The following DCDC2 variants were observed in gnomAD, a reference collection of about 807,000 sequenced individuals.
DCDC2 encodes the protein doublecortin domain containing 2.
A neutral mutation model predicts 50.2 loss-of-function variants in DCDC2; 40 were observed. The ratio of observed to expected loss-of-function variants is 0.80; its 90% confidence interval spans 0.62 to 1.04. The LOEUF (loss-of-function observed/expected upper bound fraction) is 1.04. Ranked by LOEUF, DCDC2 falls within the 50% of genes least tolerant of loss-of-function variation. DCDC2 has a pLI of 0.00. For synonymous variants in DCDC2, 234 were observed against 210.6 expected (o/e 1.11, Z -0.96); for missense variants, 570 against 581.9 (o/e 0.98, Z 0.21).
At chr6:24,289,873 G>A (rs1248295152) in intron 5 of DCDC2, among the ~76,000 whole-genome samples, 1 of 149,792 alleles carries the variant, frequency 6.7e-6, no homozygotes, top group African/African-American at 2.4e-5. Context: ...TTTTTGCAAT[G>A]GCAAGGTGGC....
At chr6:24,176,519 T>A (rs10946682) in intron 9 of DCDC2, among the ~76,000 whole-genome samples, 1 of 152,032 alleles carries the variant, frequency 6.6e-6, no homozygotes, top group Non-Finnish European at 1.5e-5. Context: ...AAAAATTGTA[T>A]GTTTATAGCA....
At chr6:24,262,749 A>G (rs1386199494) in intron 7 of DCDC2, among the ~76,000 whole-genome samples, 1 of 152,164 alleles carries the variant, frequency 6.6e-6, no homozygotes, top group East Asian at 1.9e-4. Flanking sequence ...TTCCAGACAC[A>G]CCCAGGGCCA....
chr6:24,208,728 A>G (rs1761783018), intron 7 of DCDC2, among the ~76,000 whole-genome samples: 1 of 152,114 alleles, frequency 6.6e-6, no homozygotes, highest in Non-Finnish European at 1.5e-5. Context: ...ACTTACTTTA[A>G]TCAATTTCTT....
intron 7 of DCDC2, among the ~76,000 whole-genome samples, chr6:24,228,877 T>C (rs1411942441): frequency 6.6e-6 from 1 of 152,152 alleles, no homozygotes; most frequent in African/African-American, 2.4e-5. Flanking sequence ...CATAATCTCT[T>C]GAGGGGGCTG....
rs566160215 is a variant in DCDC2 at position 24,256,911 on chromosome 6, C to G, written c.922+21138G>C. On this transcript the variant is annotated intron_variant, in intron 7 of 9. Transcript: ENST00000378454. The stretch of plus-strand genomic sequence containing the variant: ...AGGCTGTTATCTTGGCAGCACAGTG[C>G]ACCAGTTCTGGGGCCACTCAACCAC... Among the ~76,000 whole-genome samples the G allele has an allele frequency of 6.9e-4, 105 of 152,302 alleles. 1 individual carries two copies. The highest frequency in any genetic ancestry group is 2.5e-3 in the African/African-American group (102 of 41,562).
the DCDC2 span, among the ~76,000 whole-genome samples, chr6:24,377,339 T>TA: frequency 6.6e-6 from 1 of 152,194 alleles, no homozygotes; most frequent in Non-Finnish European, 1.5e-5. Flanking sequence ...TTGGTAATAT[T>TA]AGACTTTTAC....
chr6:24,194,869 T>G (rs1434707799), intron 8 of DCDC2, among the ~76,000 whole-genome samples: 1 of 152,196 alleles, frequency 6.6e-6, no homozygotes, highest in Non-Finnish European at 1.5e-5. Context: ...ACGTTTGTTC[T>G]GGCCTCCCTA....
intron 2 of DCDC2, among the ~76,000 whole-genome samples, chr6:24,343,548 A>C (rs1760200467): frequency 6.6e-6 from 1 of 152,210 alleles, no homozygotes; most frequent in Admixed American, 6.5e-5. Flanking sequence ...CATTCTAATA[A>C]TTATCCTGAA....
At chr6:24,276,899 G>GTC (rs1311313693) in intron 7 of DCDC2, among the ~76,000 whole-genome samples, 1 of 152,062 alleles carries the variant, frequency 6.6e-6, no homozygotes, top group African/African-American at 2.4e-5. Flanking sequence ...AAGGTCAATG[G>GTC]CAGAGCTGGG....
chr6:24,355,174 T>G (rs979953922), intron 1 of DCDC2, among the ~76,000 whole-genome samples: 6 of 152,170 alleles, frequency 3.9e-5, no homozygotes, highest in African/African-American at 1.4e-4. Flanking sequence ...GACACTGTTA[T>G]AACAAATTCA....
chr6:24,342,146 A>C (rs1191628237), intron 2 of DCDC2, among the ~76,000 whole-genome samples: 2 of 152,148 alleles, frequency 1.3e-5, no homozygotes, highest in Non-Finnish European at 2.9e-5. Flanking sequence ...TCTTTGCTGG[A>C]CATACAGTTA....
chr6:24,278,081 A>C lies in DCDC2; in HGVS notation c.890T>G (p.Leu297Ter). The change falls in exon 7 of 10, where the codon TTA becomes TGA. Residue 297 changes from leucine to a stop codon, truncating the protein, a stop_gained. Coordinates refer to ENST00000378454, the MANE Select transcript of DCDC2 (RefSeq NM_016356.5). LOFTEE classifies it high-confidence loss of function. ...KLTKLKQNVK[L>*]KNSQETIPNS... is the part of the protein sequence containing the mutation. ...TGGAATGGTTTCTTGTGAATTCTTT[A>C]ATTTTACATTTTGTTTCAATTTCGT... The C allele has an allele frequency of 6.2e-7, 1 of 1,612,882 alleles. No individual in the cohort carries two copies. Among genetic ancestry groups the C allele is most frequent in the South Asian group, 1.1e-5 (1 of 90,896 alleles).
intron 7 of DCDC2, among the ~76,000 whole-genome samples, chr6:24,240,229 AG>A (rs1204445659): frequency 2.6e-5 from 4 of 152,244 alleles, no homozygotes; most frequent in Non-Finnish European, 5.9e-5. Context: ...ATTATTTGTT[AG>A]ATTAGTTTAA....
chr6:24,263,332 A>G (rs999221737), intron 7 of DCDC2, among the ~76,000 whole-genome samples: 1 of 152,226 alleles, frequency 6.6e-6, no homozygotes, highest in African/African-American at 2.4e-5. Context: ...ATGCTCGGAC[A>G]TCAACAAACA....
chr6:24,283,724 T>A (rs1763530938), intron 6 of DCDC2, among the ~76,000 whole-genome samples: 1 of 152,176 alleles, frequency 6.6e-6, no homozygotes, highest in Non-Finnish European at 1.5e-5. Flanking sequence ...AACCAATTCA[T>A]TAAAGGAAAG....
At chr6:24,338,590 A>G (rs939910045) in intron 2 of DCDC2, among the ~76,000 whole-genome samples, 1 of 152,206 alleles carries the variant, frequency 6.6e-6, no homozygotes, top group African/African-American at 2.4e-5. Flanking sequence ...TGCTGTAGCA[A>G]TAAGAGTCAT....
chr6:24,194,493 G>T (rs574964156), intron 8 of DCDC2, among the ~76,000 whole-genome samples: 1 of 151,962 alleles, frequency 6.6e-6, no homozygotes, highest in Admixed American at 6.6e-5. Context: ...TCTTCCACTC[G>T]GTTCTGTCAA....
intron 6 of DCDC2, 114 bp downstream of exon 6, chr6:24,288,738 A>T (rs1236572068): frequency 3.6e-5 from 31 of 870,002 alleles, no homozygotes; most frequent in Non-Finnish European, 5.9e-5. Flanking sequence ...AATTGGTTAT[A>T]CACCACGAAG....
rs1452447783 is a variant in DCDC2 at position 24,357,447 on chromosome 6, GA to G, written c.293+10del. 1 of 1,587,492 alleles carries G rather than the reference GA, an allele frequency of 6.3e-7. No individual in the cohort carries two copies. Among genetic ancestry groups the G allele is most frequent in the African/African-American group, 1.3e-5 (1 of 74,360 alleles). The stretch of plus-strand genomic sequence containing the variant: ...ACCTAAATGGGTGGGCGGTGGGGGA[GA>G]CCGACTCACTTGAGTTTCTTGAAGG... On this transcript the variant is annotated intron_variant, in intron 1 of 9. Transcript: ENST00000378454.
Sources: gnomAD v4.1 joint callset for allele counts (sites outside exome capture counted in the v4.1 genomes callset) on GRCh38, gnomAD v4.1.1 for gene constraint, MANE v1.5 for transcripts, NCBI Gene and HGNC (gene_info 2026-07-23, HGNC 2026-07-21) for gene names.